PTPRN2: variants seen among roughly 807,000 people sequenced by gnomAD.
PTPRN2 encodes the protein receptor-type tyrosine-protein phosphatase N2.
PTPRN2 carries 74 observed loss-of-function variants against 118.8 expected under a neutral mutation model. The ratio of observed to expected loss-of-function variants is 0.62; its 90% CI spans 0.52 to 0.76. PTPRN2 has a LOEUF of 0.76. Among genes scored for constraint, PTPRN2 ranks in the 30% least tolerant of loss-of-function variants. PTPRN2 has a pLI of 0.00. For synonymous variants in PTPRN2, 641 were observed against 608.0 expected (o/e 1.05, Z -0.80); for missense variants, 1,481 against 1,394.4 (o/e 1.06, Z -0.99).
chr7:158,258,446 C>T (rs1327703896), intron 3 of PTPRN2, among the ~76,000 whole-genome samples: 2 of 152,226 alleles, frequency 1.3e-5, no homozygotes, highest in African/African-American at 2.4e-5. Context: ...TGAATCGCCG[C>T]GAGACGACCC....
chr7:157,931,036 T>C (rs1799327767), intron 11 of PTPRN2, among the ~76,000 whole-genome samples: 1 of 152,166 alleles, frequency 6.6e-6, no homozygotes, highest in South Asian at 2.1e-4. Flanking sequence ...CCACAGACTC[T>C]GAGTCAAGAA....
intron 2 of PTPRN2, among the ~76,000 whole-genome samples, chr7:158,364,892 G>C (rs1358910417): frequency 6.6e-6 from 1 of 152,132 alleles, no homozygotes; most frequent in East Asian, 1.9e-4. Flanking sequence ...GCATGAGAAT[G>C]GTCACACCTG....
intron 1 of PTPRN2, among the ~76,000 whole-genome samples, chr7:158,533,436 G>A (rs991858508): frequency 6.6e-6 from 1 of 152,190 alleles, no homozygotes; most frequent in Non-Finnish European, 1.5e-5. Context: ...CAAGGAGATC[G>A]CACCTTTGCC....
intron 11 of PTPRN2, among the ~76,000 whole-genome samples, chr7:157,963,778 T>G (rs1245495801): frequency 6.6e-6 from 1 of 152,250 alleles, no homozygotes; most frequent in Non-Finnish European, 1.5e-5. Context: ...ACCCGGGAGA[T>G]GCCAGAACAG....
intron 11 of PTPRN2, among the ~76,000 whole-genome samples, chr7:157,955,832 C>A (rs4716835): frequency 0.83 from 125,801 of 152,186 alleles, 52,577 homozygotes; most frequent in East Asian, 0.9. Flanking sequence ...TCTGGGTCTT[C>A]ATACGTGGAG....
At chr7:158,027,209 G>A (rs10949691) in intron 11 of PTPRN2, among the ~76,000 whole-genome samples, 119,061 of 151,882 alleles carry the variant, frequency 0.78, 47,103 homozygotes, top group Non-Finnish European at 0.85. Context: ...CCTTCCACAG[G>A]TACGTGAAAG....
intron 3 of PTPRN2, among the ~76,000 whole-genome samples, chr7:158,268,356 T>C (rs112972539): frequency 0.21 from 20,588 of 96,460 alleles, 1,647 homozygotes; most frequent in Middle Eastern, 0.34. Flanking sequence ...ATATCCCAGC[T>C]GCACGCACAC....
intron 4 of PTPRN2, among the ~76,000 whole-genome samples, chr7:158,193,577 C>T (rs1290429001): frequency 6.6e-6 from 1 of 152,086 alleles, no homozygotes; most frequent in Non-Finnish European, 1.5e-5. Flanking sequence ...CCCCTTTACC[C>T]TCAGCTGTGG....
chr7:158,063,172 C>T (rs1414442432), intron 11 of PTPRN2, among the ~76,000 whole-genome samples: 4 of 152,174 alleles, frequency 2.6e-5, no homozygotes, highest in African/African-American at 4.8e-5. Context: ...GTAAATACAA[C>T]ATTTAGTGCT....
At chr7:158,453,055 C>G (rs1389254405) in intron 2 of PTPRN2, among the ~76,000 whole-genome samples, 1 of 152,038 alleles carries the variant, frequency 6.6e-6, no homozygotes, top group Non-Finnish European at 1.5e-5. Context: ...TTGGCTAACA[C>G]AGCCTGGACG....
At chr7:157,607,739 C>G (rs1802090180) in intron 15 of PTPRN2, among the ~76,000 whole-genome samples, 1 of 152,212 alleles carries the variant, frequency 6.6e-6, no homozygotes, top group Non-Finnish European at 1.5e-5. Context: ...ACTCAGCAGA[C>G]AAGTGCCAGC....
At chr7:158,572,262 C>A (rs907359481) in intron 1 of PTPRN2, among the ~76,000 whole-genome samples, 41 of 152,264 alleles carry the variant, frequency 2.7e-4, no homozygotes, top group African/African-American at 9.1e-4. Context: ...GATAGAGGAA[C>A]CTGAAAAGGA....
At chr7:157,703,965 C>A (rs1798205350) in intron 12 of PTPRN2, among the ~76,000 whole-genome samples, 1 of 152,194 alleles carries the variant, frequency 6.6e-6, no homozygotes, top group Admixed American at 6.5e-5. Flanking sequence ...CTGAAGCTCT[C>A]ACTCGCCCAA....
intron 12 of PTPRN2, among the ~76,000 whole-genome samples, chr7:157,747,836 G>A (rs1430953328): frequency 7.5e-6 from 1 of 132,830 alleles, no homozygotes; most frequent in African/African-American, 3.0e-5. Context: ...CCTGAGCTTT[G>A]GGCTGTCCGG....
chr7:157,968,451 G>A (rs1334641815), intron 11 of PTPRN2, among the ~76,000 whole-genome samples: 1 of 152,184 alleles, frequency 6.6e-6, no homozygotes, highest in African/African-American at 2.4e-5. Flanking sequence ...GCTGCAAAGT[G>A]AGTTGTGAAA....
At chr7:158,188,216 GATGGGGAAGGCCGCCACGCTTGCCCCGC>G (rs1825369575) in intron 5 of PTPRN2, among the ~76,000 whole-genome samples, 1 of 43,390 alleles carries the variant, frequency 2.3e-5, no homozygotes, top group Non-Finnish European at 5.5e-5. Context: ...CTCGCCGCCT[GATGGGGAAGGCCGCCACGCTTGCCCCGC>G]GATGGGGAAG....
chr7:158,031,490 TAC>T (rs1180947821), intron 11 of PTPRN2, among the ~76,000 whole-genome samples: 3 of 152,250 alleles, frequency 2.0e-5, no homozygotes, highest in Non-Finnish European at 2.9e-5. Context: ...TCTGTGAGAA[TAC>T]AGTGTACCCA....
chr7:158,074,822 C>T (rs1160592368), intron 11 of PTPRN2, among the ~76,000 whole-genome samples: 1 of 152,238 alleles, frequency 6.6e-6, no homozygotes, highest in South Asian at 2.1e-4. Context: ...ATTGCTCGTT[C>T]ATTTGCAGGT....
At chr7:157,757,824 G>A (rs180973565) in intron 12 of PTPRN2, among the ~76,000 whole-genome samples, 135 of 152,268 alleles carry the variant, frequency 8.9e-4, no homozygotes, top group African/African-American at 3.2e-3. Context: ...CCTTTGAAAA[G>A]AGCCCCAGCT....
Sources: gnomAD v4.1 joint callset for allele counts (sites outside exome capture counted in the v4.1 genomes callset) on GRCh38, gnomAD v4.1.1 for gene constraint, MANE v1.5 for transcripts, NCBI Gene and HGNC (gene_info 2026-07-23, HGNC 2026-07-21) for gene names.